The following DACH2 variants were observed in gnomAD, a reference collection of about 807,000 sequenced individuals.
The protein encoded by DACH2 is dachshund family transcription factor 2.
A neutral mutation model predicts 35.8 loss-of-function variants in DACH2; 17 were observed. The ratio of observed to expected loss-of-function variants is 0.48; its 90% confidence interval spans 0.33 to 0.71. The LOEUF is 0.71. Ranked by LOEUF, DACH2 falls within the 30% of genes least tolerant of loss-of-function variation. The pLI, the probability that DACH2 is intolerant of heterozygous loss-of-function variation, is 0.02. For synonymous variants in DACH2, 195 were observed against 177.3 expected (o/e 1.10, Z -0.79); for missense variants, 469 against 472.7 (o/e 0.99, Z 0.07).
At chrX:86,226,243 G>A (rs1409221877) in intron 1 of DACH2, among the ~76,000 whole-genome samples, 5 of 111,626 alleles carry the variant, frequency 4.5e-5, no homozygotes, top group African/African-American at 1.6e-4. Context: ...TTATAATTCA[G>A]TTTTAAAAAG....
At chrX:86,446,257 C>A in intron 2 of DACH2, among the ~76,000 whole-genome samples, 1 of 97,284 alleles carries the variant, frequency 1.0e-5, no homozygotes, top group East Asian at 3.3e-4. Flanking sequence ...AATTCAGTTT[C>A]TTGTAAGAAG....
intron 6 of DACH2, among the ~76,000 whole-genome samples, chrX:86,730,596 T>G (rs1194287810): frequency 1.8e-5 from 2 of 111,934 alleles, no homozygotes; most frequent in African/African-American, 6.5e-5. Flanking sequence ...TGTTTTCCAT[T>G]CATTGAATCA....
intron 2 of DACH2, among the ~76,000 whole-genome samples, chrX:86,460,773 G>A (rs764431010): frequency 9.1e-6 from 1 of 110,185 alleles, no homozygotes; most frequent in South Asian, 3.8e-4. Context: ...CTTACAAGTG[G>A]GACTAGAATA....
intron 1 of DACH2, among the ~76,000 whole-genome samples, chrX:86,183,919 C>T (rs898423732): frequency 1.8e-5 from 2 of 111,187 alleles, no homozygotes; most frequent in African/African-American, 6.5e-5. Context: ...TGTATGTGTC[C>T]AGGAATTTAT....
intron 1 of DACH2, among the ~76,000 whole-genome samples, chrX:86,374,189 A>G (rs2035930837): frequency 9.0e-6 from 1 of 111,124 alleles, no homozygotes; most frequent in Non-Finnish European, 1.9e-5. Flanking sequence ...ACTGACTGCA[A>G]TCAAAGATGA....
chrX:86,591,840 T>C (rs62593327), intron 3 of DACH2, among the ~76,000 whole-genome samples: 5,526 of 111,069 alleles, frequency 0.05, 117 homozygotes, highest in Middle Eastern at 0.1. Context: ...CCGGCTTCTT[T>C]GGCTAAATTT....
At chrX:86,557,271 T>A (rs962248709) in intron 3 of DACH2, among the ~76,000 whole-genome samples, 2 of 111,348 alleles carry the variant, frequency 1.8e-5, no homozygotes, top group Non-Finnish European at 3.8e-5. Context: ...AAATAATGTT[T>A]TATCAGCTAT....
chrX:86,457,032 C>T (rs902032529), intron 2 of DACH2, among the ~76,000 whole-genome samples: 2 of 110,780 alleles, frequency 1.8e-5, no homozygotes, highest in Non-Finnish European at 3.8e-5. Context: ...TTTTCTTTAT[C>T]TCTAATATTC....
At chrX:86,680,901 G>T (rs2040874142) in intron 4 of DACH2, among the ~76,000 whole-genome samples, 1 of 110,358 alleles carries the variant, frequency 9.1e-6, no homozygotes, top group African/African-American at 3.3e-5. Context: ...CAATCCTCCT[G>T]CCTCAGCCTC....
At chrX:86,468,839 C>A (rs2037716788) in intron 2 of DACH2, among the ~76,000 whole-genome samples, 1 of 111,592 alleles carries the variant, frequency 9.0e-6, no homozygotes, top group Non-Finnish European at 1.9e-5. Flanking sequence ...TATGATCCAA[C>A]AATCCCACTG....
chrX:86,404,045 A>G (rs1009407118), intron 2 of DACH2, among the ~76,000 whole-genome samples: 1 of 109,790 alleles, frequency 9.1e-6, no homozygotes, highest in Non-Finnish European at 1.9e-5. Flanking sequence ...AACAGCATGG[A>G]GTAACTACCC....
intron 1 of DACH2, among the ~76,000 whole-genome samples, chrX:86,214,920 T>C (rs2032534322): frequency 9.0e-6 from 1 of 111,123 alleles, no homozygotes; most frequent in South Asian, 3.8e-4. Flanking sequence ...TTTATTCAAG[T>C]TATTAGCATT....
At chrX:86,493,142 TG>T (rs2038117585) in intron 2 of DACH2, among the ~76,000 whole-genome samples, 1 of 111,865 alleles carries the variant, frequency 8.9e-6, no homozygotes, top group African/African-American at 3.2e-5. Context: ...TTTGTTTTTT[TG>T]TTTTTACTTT....
Position 86,619,900 on chromosome X carries a change from C to T in DACH2, c.641-31136C>T, listed in dbSNP as rs746195025. On this transcript the variant is annotated intron_variant, in intron 3 of 11. Coordinates refer to ENST00000373125, the MANE Select transcript of DACH2 (RefSeq NM_053281.3). ...GCTTACACTACAAAGCCATTATACACGAAGAGACTACAATGCAGTTGTTAG... is the reference window on the plus strand; with the variant it reads ...GCTTACACTACAAAGCCATTATACATGAAGAGACTACAATGCAGTTGTTAG... 1.8e-4 allele frequency among the ~76,000 whole-genome samples: 20 copies of T among 112,019 alleles called. No individual in the cohort carries two copies. In the East Asian group the frequency reaches 3.1e-3, roughly 17 times the overall value.
Position 86,537,925 on chromosome X carries a change from C to G in DACH2, c.640+23534C>G, listed in dbSNP as rs137995416. On this transcript the variant is annotated intron_variant, in intron 3 of 11. Transcript: ENST00000373125. The stretch of plus-strand genomic sequence containing the variant: ...AATTCCTTCTCCTGGCTCAGAAGCT[C>G]CCCTACTGAGCACCTTGTGAACCCC... Among the ~76,000 whole-genome samples the G allele has an allele frequency of 9.4e-3, 1,038 of 110,965 alleles. 18 individuals carry two copies. Among genetic ancestry groups the G allele is most frequent in the African/African-American group, 0.033 (994 of 30,487 alleles).
intron 1 of DACH2, among the ~76,000 whole-genome samples, chrX:86,151,144 A>T: frequency 9.0e-6 from 1 of 111,510 alleles, no homozygotes; most frequent in Non-Finnish European, 1.9e-5. Context: ...CTTACTAAAA[A>T]AAAAAATCCA....
At chrX:86,201,922 T>C (rs1239253576) in intron 1 of DACH2, among the ~76,000 whole-genome samples, 1 of 111,410 alleles carries the variant, frequency 9.0e-6, no homozygotes, top group South Asian at 3.7e-4. Context: ...TCACTTATCC[T>C]TTCTCAGCCC....
intron 3 of DACH2, among the ~76,000 whole-genome samples, chrX:86,566,069 T>C (rs1356490153): frequency 8.9e-6 from 1 of 112,099 alleles, no homozygotes; most frequent in Non-Finnish European, 1.9e-5. Context: ...ATGTTGTATG[T>C]ACATATTATT....
Position 86,300,007 on chromosome X carries a change from A to C in DACH2, c.489-76817A>C, listed in dbSNP as rs151259001. Among the ~76,000 whole-genome samples the C allele has an allele frequency of 5.4e-5, 6 of 111,824 alleles. No homozygotes were observed. In the South Asian group the frequency reaches 1.5e-3, roughly 28 times the overall value. Reference sequence around the variant, plus strand: ...ATGGTCAACTAGATGGGTATCCAACATGTTGAGTGTTTAGCATTTCTATGT... The same window carrying C: ...ATGGTCAACTAGATGGGTATCCAACCTGTTGAGTGTTTAGCATTTCTATGT... On this transcript the variant is annotated intron_variant, in intron 1 of 11. Transcript: ENST00000373125.
Sources: gnomAD v4.1 joint callset for allele counts (sites outside exome capture counted in the v4.1 genomes callset) on GRCh38, gnomAD v4.1.1 for gene constraint, MANE v1.5 for transcripts, NCBI Gene and HGNC (gene_info 2026-07-23, HGNC 2026-07-21) for gene names.